Variants in GRM1 observed in about 807,000 individuals in gnomAD.
The protein encoded by GRM1 is metabotropic glutamate receptor 1.
GRM1 carries 33 observed loss-of-function variants against 90.9 expected under a neutral mutation model. The observed-to-expected ratio is 0.36, with a 90% CI of 0.28 to 0.49. The LOEUF is 0.49. Among genes scored for constraint, GRM1 ranks in the 20% least tolerant of loss-of-function variants. The probability of loss-of-function intolerance (pLI) is 0.99; values close to 1 mark genes in which losing one functional copy is unlikely to be tolerated. For missense variants in GRM1, 1,190 were observed against 1,534.3 expected, an observed-to-expected ratio of 0.78 and a Z score of 3.75; for synonymous variants, 700 against 613.2, an observed-to-expected ratio of 1.14 and a Z score of -2.09.
In GRM1 at chr6:146,434,230, C is replaced by T. The variant is rs749799702; in HGVS notation, c.3019C>T (p.Pro1007Ser). The T allele has an allele frequency of 6.2e-7, 1 of 1,605,318 alleles. No homozygotes were observed. Among genetic ancestry groups the T allele is most frequent in the East Asian group, 2.2e-5 (1 of 44,748 alleles). Residue 1007 changes from proline to serine, a missense_variant, in exon 8 of 8, where the codon CCA (proline) becomes TCA (serine). Coordinates refer to ENST00000282753, the MANE Select transcript of GRM1 (RefSeq NM_001278064.2). ...GGAGACCCCCCTCTTCCTGGCCGAA[C>T]CAGCCCTCCCCAAGGGCTTGCCCCC... Reference protein sequence around the residue: ...AEETPLFLAEPALPKGLPPPL... With the variant: ...AEETPLFLAESALPKGLPPPL...
At chr6:146,375,895 C>T (rs946578671) in intron 5 of GRM1, among the ~76,000 whole-genome samples, 8 of 151,946 alleles carry the variant, frequency 5.3e-5, no homozygotes, top group Non-Finnish European at 1.0e-4. Context: ...GGACTTATTC[C>T]TACCATTTTG....
intron 2 of GRM1, among the ~76,000 whole-genome samples, chr6:146,161,144 G>T (rs1215015302): frequency 6.6e-6 from 1 of 152,020 alleles, no homozygotes. Flanking sequence ...CTTTTAGGAA[G>T]GTTGCTTGTT....
chr6:146,259,813 A>G (rs1009251526), intron 2 of GRM1, among the ~76,000 whole-genome samples: 4 of 151,956 alleles, frequency 2.6e-5, no homozygotes, highest in African/African-American at 7.2e-5. Flanking sequence ...TGGATATATA[A>G]CCAAAGGTGG....
chr6:146,292,050 A>G (rs529555251), intron 2 of GRM1, among the ~76,000 whole-genome samples: 1 of 152,144 alleles, frequency 6.6e-6, no homozygotes, highest in Admixed American at 6.5e-5. Flanking sequence ...AGATCATTCC[A>G]TGGGAAAAAT....
chr6:146,311,630 T>C (rs1355412644), intron 3 of GRM1, among the ~76,000 whole-genome samples: 1 of 152,244 alleles, frequency 6.6e-6, no homozygotes, highest in East Asian at 1.9e-4. Context: ...AAATGAAACC[T>C]TCAGTTCCTC....
chr6:146,382,107 A>G (rs956713666), intron 5 of GRM1, among the ~76,000 whole-genome samples: 1 of 152,146 alleles, frequency 6.6e-6, no homozygotes, highest in Non-Finnish European at 1.5e-5. Context: ...TAGTCCTTCC[A>G]GGGAAGTTTC....
chr6:146,114,556 C>T (rs1775673385), intron 1 of GRM1, among the ~76,000 whole-genome samples: 1 of 152,086 alleles, frequency 6.6e-6, no homozygotes, highest in African/African-American at 2.4e-5. Context: ...GATGCCTTCA[C>T]TCAGTTGTAT....
At chr6:146,105,221 T>C (rs138442702) in intron 1 of GRM1, among the ~76,000 whole-genome samples, 1 of 152,332 alleles carries the variant, frequency 6.6e-6, no homozygotes, top group East Asian at 1.9e-4. Context: ...CTGATTGTCC[T>C]GGGTTGAGAA....
intron 1 of GRM1, among the ~76,000 whole-genome samples, chr6:146,138,660 C>A (rs2128882797): frequency 6.6e-6 from 1 of 152,080 alleles, no homozygotes; most frequent in South Asian, 2.1e-4. Flanking sequence ...CAATTATTGG[C>A]ATATAGTTGC....
At chr6:146,065,011 T>G (rs1775800386) in intron 1 of GRM1, among the ~76,000 whole-genome samples, 1 of 152,086 alleles carries the variant, frequency 6.6e-6, no homozygotes, top group South Asian at 2.1e-4. Context: ...GCCTTGAATT[T>G]TTATATTGAT....
chr6:146,276,224 A>G (rs1191006453), intron 2 of GRM1, among the ~76,000 whole-genome samples: 1 of 152,200 alleles, frequency 6.6e-6, no homozygotes, highest in Non-Finnish European at 1.5e-5. Context: ...AAAGAATATT[A>G]GAATAGGCAT....
chr6:146,346,457 T>A (rs943898608), intron 3 of GRM1, among the ~76,000 whole-genome samples: 1 of 152,238 alleles, frequency 6.6e-6, no homozygotes, highest in East Asian at 1.9e-4. Flanking sequence ...AATGGATTTG[T>A]TATATTTTTC....
intron 1 of GRM1, among the ~76,000 whole-genome samples, chr6:146,075,391 G>T (rs941955363): frequency 6.6e-6 from 1 of 152,170 alleles, no homozygotes; most frequent in Admixed American, 6.6e-5. Flanking sequence ...TCAGAGAGCT[G>T]ATATTCTCCT....
intron 1 of GRM1, among the ~76,000 whole-genome samples, chr6:146,064,437 C>CAATT (rs1775776210): frequency 6.6e-6 from 1 of 152,122 alleles, no homozygotes; most frequent in Non-Finnish European, 1.5e-5. Context: ...CTAAACCCTG[C>CAATT]AATTCTGTAC....
chr6:146,366,950 A>G (rs1235448011), intron 5 of GRM1, among the ~76,000 whole-genome samples: 1 of 151,970 alleles, frequency 6.6e-6, no homozygotes, highest in African/African-American at 2.4e-5. Flanking sequence ...TGTGCTTTTG[A>G]GGTTTTATCC....
At chr6:146,330,275 T>C (rs1433286798) in intron 3 of GRM1, among the ~76,000 whole-genome samples, 1 of 152,150 alleles carries the variant, frequency 6.6e-6, no homozygotes, top group African/African-American at 2.4e-5. Flanking sequence ...TTGTCTTAGA[T>C]ACAATTATTT....
intron 2 of GRM1, among the ~76,000 whole-genome samples, chr6:146,233,086 A>G (rs181571617): frequency 6.7e-4 from 102 of 151,778 alleles, no homozygotes; most frequent in African/African-American, 2.4e-3. Flanking sequence ...TATTTTGTCT[A>G]TTGTTTTTCT....
intron 1 of GRM1, among the ~76,000 whole-genome samples, chr6:146,064,886 G>C (rs753522580): frequency 6.1e-5 from 9 of 148,334 alleles, no homozygotes; most frequent in Non-Finnish European, 8.9e-5. Context: ...TTTCGAGATT[G>C]AGTCTTATAC....
chr6:146,043,481 G>C (rs186366499), intron 1 of GRM1, among the ~76,000 whole-genome samples: 269 of 151,826 alleles, frequency 1.8e-3, no homozygotes, highest in Admixed American at 3.4e-3. Flanking sequence ...TGCCTGTGCT[G>C]CTTAATGCAA....
Sources: gnomAD v4.1 joint callset for allele counts (sites outside exome capture counted in the v4.1 genomes callset) on GRCh38, gnomAD v4.1.1 for gene constraint, MANE v1.5 for transcripts, NCBI Gene and HGNC (gene_info 2026-07-23, HGNC 2026-07-21) for gene names.